The following ZZZ3 variants were observed in gnomAD, a reference collection of about 807,000 sequenced individuals.
ZZZ3 encodes the protein ZZ-type zinc finger-containing protein 3.
A neutral mutation model predicts 95.2 loss-of-function variants in ZZZ3; 22 were observed. That is an observed-to-expected ratio of 0.23 (90% CI 0.17 to 0.33). ZZZ3 has a LOEUF of 0.33. Among genes scored for constraint, ZZZ3 ranks in the 10% least tolerant of loss-of-function variants. The pLI is 1.00. For missense variants in ZZZ3, 885 were observed against 1,066.5 expected (o/e 0.83, Z 2.37); for synonymous variants, 335 against 358.9 (o/e 0.93, Z 0.75).
At chr1:77,619,549 C>A (rs528579553) in intron 5 of ZZZ3, among the ~76,000 whole-genome samples, 7 of 152,174 alleles carry the variant, frequency 4.6e-5, no homozygotes, top group Non-Finnish European at 8.8e-5. Flanking sequence ...ACTGGCAAAA[C>A]TCTAGATTGT....
intron 5 of ZZZ3, among the ~76,000 whole-genome samples, chr1:77,590,004 T>A (rs1007483088): frequency 3.9e-5 from 6 of 152,196 alleles, no homozygotes; most frequent in African/African-American, 1.4e-4. Context: ...GAAACATTTT[T>A]AAAAATCCAT....
At chr1:77,625,607 A>G (rs1667260925) in intron 5 of ZZZ3, among the ~76,000 whole-genome samples, 1 of 152,196 alleles carries the variant, frequency 6.6e-6, no homozygotes, top group Admixed American at 6.5e-5. Flanking sequence ...AAAATAATTT[A>G]TCACAGGAAA....
At chr1:77,645,829 G>T (rs1249282505) in intron 1 of ZZZ3, among the ~76,000 whole-genome samples, 2 of 151,928 alleles carry the variant, frequency 1.3e-5, no homozygotes, top group Non-Finnish European at 2.9e-5. Flanking sequence ...AATTAGCCAG[G>T]TGTGGTGGTG....
At chr1:77,674,392 G>A (rs1487516078) in intron 1 of ZZZ3, among the ~76,000 whole-genome samples, 4 of 152,114 alleles carry the variant, frequency 2.6e-5, no homozygotes, top group Non-Finnish European at 4.4e-5. Context: ...AGGCTCAAAA[G>A]CAAATAAAAT....
At chr1:77,600,740 C>T (rs1218596769) in intron 5 of ZZZ3, among the ~76,000 whole-genome samples, 3 of 151,896 alleles carry the variant, frequency 2.0e-5, no homozygotes, top group East Asian at 1.9e-4. Flanking sequence ...ACAGCTTTGG[C>T]GTGACTTGGA....
At position 77,581,036 on chromosome 1, in the gene ZZZ3, G is replaced by T. The variant is rs200035377; in HGVS notation, c.1942C>A (p.Pro648Thr). The change falls in exon 9 of 15, where the codon CCT (proline) becomes ACT (threonine). Residue 648 changes from proline to threonine, a missense_variant. Physicochemically the swap from Pro to Thr is conservative, Grantham distance 38. This residue lies in a region of ZZZ3 where 99 missense variants were observed against 119.8 expected (regional missense o/e 0.83). Transcript: ENST00000370801. ...IRGRLCDDTK[P>T]ETFNQLWTVE... ...GTCCACAACTGGTTAAATGTTTCAG[G>T]TTTGGTATCATCACACAAGCGTCCT... 31 of 1,614,070 alleles carry T rather than the reference G, an allele frequency of 1.9e-5. No individual in the cohort carries two copies. The African/African-American group carries it at 4.1e-4, about 22-fold the overall frequency.
chr1:77,673,138 A>G (rs183649927), intron 1 of ZZZ3, among the ~76,000 whole-genome samples: 4 of 152,352 alleles, frequency 2.6e-5, no homozygotes. Context: ...AAATTCACTT[A>G]AAAAGGAAAT....
At chr1:77,589,574 G>A (rs1663463177) in intron 5 of ZZZ3, among the ~76,000 whole-genome samples, 2 of 151,838 alleles carry the variant, frequency 1.3e-5, no homozygotes, top group African/African-American at 2.4e-5. Context: ...AGTAGCTAGG[G>A]CCACAGGTAT....
chr1:77,674,979 T>G (rs557334575), intron 1 of ZZZ3, among the ~76,000 whole-genome samples: 7 of 149,118 alleles, frequency 4.7e-5, no homozygotes, highest in Non-Finnish European at 7.4e-5. Context: ...GAAACATTAC[T>G]GCAAAAACAC....
rs141948876 is a variant in ZZZ3 at position 77,664,807 on chromosome 1, G to A, written c.-403+17778C>T. Among the ~76,000 whole-genome samples the A allele has an allele frequency of 8.7e-4, 132 of 152,252 alleles. 1 individual carries two copies. The East Asian group carries it at 0.022, about 25-fold the overall frequency. ...AGTCTGACATTAATTCCTTCTAACA[G>A]TATTTAAGAAAGTTTATTTTACACT... On this transcript the variant is annotated intron_variant, in intron 1 of 14. Transcript: ENST00000370801.
At chr1:77,669,757 C>T (rs1020847360) in intron 1 of ZZZ3, among the ~76,000 whole-genome samples, 4 of 151,944 alleles carry the variant, frequency 2.6e-5, no homozygotes, top group African/African-American at 9.7e-5. Context: ...TGCGCCCCGG[C>T]CTCTCCGTTT....
intron 5 of ZZZ3, among the ~76,000 whole-genome samples, chr1:77,589,991 G>A (rs1663515366): frequency 6.6e-6 from 1 of 152,118 alleles, no homozygotes; most frequent in Non-Finnish European, 1.5e-5. Flanking sequence ...AAAAACTAAT[G>A]GAGAAACATT....
intron 5 of ZZZ3, among the ~76,000 whole-genome samples, chr1:77,622,370 C>CAAA (rs200681261): frequency 5.4e-5 from 3 of 55,422 alleles, no homozygotes; most frequent in Non-Finnish European, 7.3e-5. Flanking sequence ...TGAAAAATAG[C>CAAA]AAAAAAAAAA....
rs181172491 is a variant in ZZZ3 at position 77,612,086 on chromosome 1, G to A, written c.1505+19764C>T. On this transcript the variant is annotated intron_variant, in intron 5 of 14. Transcript: ENST00000370801. ...AAATCAAATATCTGATAAGGGATTAGTATCTAAAATTTAAAGACAAATAAT... is the reference window on the plus strand; with the variant it reads ...AAATCAAATATCTGATAAGGGATTAATATCTAAAATTTAAAGACAAATAAT... 3.0e-3 allele frequency among the ~76,000 whole-genome samples: 451 copies of A among 151,998 alleles called. 8 individuals carry two copies. The highest frequency in any genetic ancestry group is 0.01 in the African/African-American group (427 of 41,536).
intron 1 of ZZZ3, among the ~76,000 whole-genome samples, chr1:77,659,000 C>G (rs1670541372): frequency 6.6e-6 from 1 of 152,172 alleles, no homozygotes; most frequent in Non-Finnish European, 1.5e-5. Context: ...AGGCGGATCA[C>G]CTGAGGTCAG....
chr1:77,677,552 C>A (rs934182854), intron 1 of ZZZ3, among the ~76,000 whole-genome samples: 7 of 152,036 alleles, frequency 4.6e-5, no homozygotes, highest in Admixed American at 4.6e-4. Flanking sequence ...ACAAATTTAT[C>A]CCTTTTGATT....
Position 77,584,510 on chromosome 1 carries a change from T to G in ZZZ3, c.1644+7A>C, listed in dbSNP as rs756161698. 1 of 1,604,004 alleles carries G rather than the reference T, an allele frequency of 6.2e-7. No individual in the cohort carries two copies. ...TTAGTAAATCTTAAAAACAGTTCAA[T>G]GTATACCTTCTTCTGGAGTTTTTCC... is the stretch of plus-strand genomic sequence containing the variant. On this transcript the variant is annotated splice_region_variant and intron_variant, in intron 6 of 14. Transcript: ENST00000370801.
chr1:77,578,332 C>A (rs1662169965), intron 11 of ZZZ3, among the ~76,000 whole-genome samples: 1 of 152,066 alleles, frequency 6.6e-6, no homozygotes, highest in African/African-American at 2.4e-5. Context: ...CCTCAGCCTC[C>A]CAAGTAGCTG....
chr1:77,631,651 T>C (rs934181659), intron 5 of ZZZ3, among the ~76,000 whole-genome samples, 199 bp downstream of exon 5: 3 of 152,204 alleles, frequency 2.0e-5, no homozygotes, highest in East Asian at 1.9e-4. Flanking sequence ...GGAAAGACCA[T>C]GTTGTCATAG....
Sources: gnomAD v4.1 joint callset for allele counts (sites outside exome capture counted in the v4.1 genomes callset) on GRCh38, gnomAD v4.1.1 for gene constraint, gnomAD v4.1.1 regional missense constraint, MANE v1.5 for transcripts, NCBI Gene and HGNC (gene_info 2026-07-23, HGNC 2026-07-21) for gene names.